Variants in ELAVL4 observed in about 807,000 individuals in gnomAD.
The protein encoded by ELAVL4 is ELAV like RNA binding protein 4.
A neutral mutation model predicts 35.6 loss-of-function variants in ELAVL4; 1 was observed. The observed-to-expected ratio is 0.03, with a 90% CI of 0.01 to 0.13. ELAVL4 has a LOEUF of 0.13. ELAVL4 is among the 10% of genes least tolerant of loss of function. The pLI, the probability that ELAVL4 is intolerant of heterozygous loss-of-function variation, is 1.00. For missense variants in ELAVL4, 267 were observed against 464.9 expected, an observed-to-expected ratio of 0.57 and a Z score of 3.91; for synonymous variants, 156 against 171.0, an observed-to-expected ratio of 0.91 and a Z score of 0.69.
At chr1:50,169,443 C>A (rs942027019) in intron 2 of ELAVL4, among the ~76,000 whole-genome samples, 4 of 152,120 alleles carry the variant, frequency 2.6e-5, no homozygotes, top group African/African-American at 4.8e-5. Context: ...CCTACACTGC[C>A]TTTCCTTCTT....
At chr1:50,070,669 A>G (rs1439118564) in intron 1 of ELAVL4, among the ~76,000 whole-genome samples, 1 of 137,820 alleles carries the variant, frequency 7.3e-6, no homozygotes, top group Non-Finnish European at 1.5e-5. Flanking sequence ...TGAACCCAGG[A>G]GGCGGAGGTT....
intron 1 of ELAVL4, chr1:50,110,108 T>A: frequency 9.2e-7 from 1 of 1,091,102 alleles, no homozygotes; most frequent in Non-Finnish European, 1.3e-6. Context: ...TATGTATGTG[T>A]GTGTTTATTA....
intron 1 of ELAVL4, among the ~76,000 whole-genome samples, chr1:50,135,376 A>G (rs956903975): frequency 6.6e-6 from 1 of 152,174 alleles, no homozygotes; most frequent in Admixed American, 6.6e-5. Flanking sequence ...AGGTAGGATT[A>G]GTCTGAGTGT....
At chr1:50,050,658 G>T (rs1187137636) in intron 1 of ELAVL4, among the ~76,000 whole-genome samples, 1 of 152,090 alleles carries the variant, frequency 6.6e-6, no homozygotes, top group Non-Finnish European at 1.5e-5. Context: ...GGAAAAAAGT[G>T]ATTGTCTTGT....
chr1:50,099,303 G>A (rs1195671315), upstream of ELAVL4, among the ~76,000 whole-genome samples: 1 of 152,148 alleles, frequency 6.6e-6, no homozygotes, highest in Non-Finnish European at 1.5e-5. Flanking sequence ...GCTCACGCCT[G>A]TAATCCCAGC....
intron 1 of ELAVL4, 84 bp downstream of exon 1, chr1:50,109,282 C>A: frequency 6.9e-7 from 1 of 1,445,850 alleles, no homozygotes; most frequent in Non-Finnish European, 9.6e-7. Flanking sequence ...CTTATGCTTG[C>A]ACAAGAGTTT....
chr1:50,164,899 C>A (rs1462957070), intron 2 of ELAVL4, among the ~76,000 whole-genome samples: 1 of 152,126 alleles, frequency 6.6e-6, no homozygotes, highest in Non-Finnish European at 1.5e-5. Flanking sequence ...TACTGGATAT[C>A]CAATAATGTC....
intron 3 of ELAVL4, among the ~76,000 whole-genome samples, chr1:50,188,121 A>C (rs560374925): frequency 1.1e-4 from 17 of 152,252 alleles, no homozygotes; most frequent in Middle Eastern, 3.4e-3. Context: ...CATGGCCAGC[A>C]ATAGTGTAGG....
At chr1:50,190,401 G>A (rs2988270) in intron 3 of ELAVL4, among the ~76,000 whole-genome samples, 136,807 of 152,288 alleles carry the variant, frequency 0.9, 62,567 homozygotes, top group East Asian at 1. Context: ...AAAATTTTAG[G>A]TACTAGGATG....
chr1:50,087,036 A>T (rs1290163005), intron 1 of ELAVL4, among the ~76,000 whole-genome samples: 1 of 152,154 alleles, frequency 6.6e-6, no homozygotes, highest in Admixed American at 6.5e-5. Context: ...GGGTGGGCTT[A>T]GAGAGTCAAT....
rs1309691906 is a variant in ELAVL4, at chr1:50,133,625, A to AAGAAAGAAAG, written c.10-11330_10-11321dup. ...AAAGAAAGAAAGAAAGAAAGAAAGA[A>AAGAAAGAAAG]AGAAAGAAAGAAAGAAAGAAAGAAA... On this transcript the variant is annotated intron_variant, in intron 1 of 6. Coordinates refer to ENST00000371824, the MANE Select transcript of ELAVL4 (RefSeq NM_001144774.3). 1.1e-3 allele frequency among the ~76,000 whole-genome samples: 167 copies of AAGAAAGAAAG among 151,008 alleles called. 1 individual carries two copies. Among genetic ancestry groups the AAGAAAGAAAG allele is most frequent in the Admixed American group, 2.8e-3 (42 of 15,138 alleles).
At chr1:50,064,239 A>G (rs1664148940) in intron 1 of ELAVL4, among the ~76,000 whole-genome samples, 2 of 152,148 alleles carry the variant, frequency 1.3e-5, no homozygotes, top group Non-Finnish European at 2.9e-5. Flanking sequence ...TGAGAACAGA[A>G]AGAAAATAAT....
At chr1:50,147,136 G>T (rs1436424240) in intron 2 of ELAVL4, among the ~76,000 whole-genome samples, 1 of 152,106 alleles carries the variant, frequency 6.6e-6, no homozygotes, top group East Asian at 1.9e-4. Flanking sequence ...TTATGGGGTT[G>T]AAAGCAGAAA....
chr1:50,184,356 C>A (rs1332728421), intron 3 of ELAVL4, among the ~76,000 whole-genome samples: 3 of 147,494 alleles, frequency 2.0e-5, no homozygotes. Flanking sequence ...CTTTAGCTGT[C>A]TTCAAGTGTA....
At chr1:50,056,730 G>A (rs1477928249) in intron 1 of ELAVL4, among the ~76,000 whole-genome samples, 2 of 152,080 alleles carry the variant, frequency 1.3e-5, no homozygotes, top group African/African-American at 2.4e-5. Context: ...AGGTCAGATC[G>A]AGACCATCCT....
chr1:50,115,238 C>T (rs1365405746), intron 1 of ELAVL4: 1 of 152,088 alleles, frequency 6.6e-6, no homozygotes, highest in East Asian at 1.9e-4. Context: ...AAAGATCCCC[C>T]TCTACAAGGA....
chr1:50,193,393 A>G (rs1682973439), intron 3 of ELAVL4, among the ~76,000 whole-genome samples: 1 of 151,692 alleles, frequency 6.6e-6, no homozygotes, highest in South Asian at 2.1e-4. Context: ...GGTTTATTCA[A>G]AGATTATTAT....
At chr1:50,192,257 T>C (rs1355154063) in intron 3 of ELAVL4, among the ~76,000 whole-genome samples, 1 of 152,146 alleles carries the variant, frequency 6.6e-6, no homozygotes, top group African/African-American at 2.4e-5. Flanking sequence ...GGCAGATTAG[T>C]CACTCACATC....
chr1:50,190,959 C>T (rs1391848718), intron 3 of ELAVL4, among the ~76,000 whole-genome samples: 1 of 152,208 alleles, frequency 6.6e-6, no homozygotes, highest in African/African-American at 2.4e-5. Flanking sequence ...AGTCTCAGCT[C>T]AGCTGTGTCT....
Sources: gnomAD v4.1 joint callset for allele counts (sites outside exome capture counted in the v4.1 genomes callset) on GRCh38, gnomAD v4.1.1 for gene constraint, MANE v1.5 for transcripts, NCBI Gene and HGNC (gene_info 2026-07-23, HGNC 2026-07-21) for gene names.